MTUS1: variants seen among roughly 807,000 people sequenced by gnomAD.
The protein encoded by MTUS1 is microtubule associated scaffold protein 1, also known as microtubule-associated tumor suppressor 1.
Under a neutral mutation model 120.8 loss-of-function variants are expected in MTUS1, and 109 were observed. The observed-to-expected ratio is 0.90, with a 90% confidence interval of 0.77 to 1.06. The LOEUF is 1.06. Among genes scored for constraint, MTUS1 ranks in the 50% least tolerant of loss-of-function variants. The pLI is 0.00. For missense variants in MTUS1, 2,210 were observed against 1,486.3 expected, an observed-to-expected ratio of 1.49 and a Z score of -8.01; for synonymous variants, 737 against 550.5, an observed-to-expected ratio of 1.34 and a Z score of -4.74.
Position 17,754,379 on chromosome 8 carries a change from G to C in MTUS1, c.1429C>G (p.Pro477Ala). 1.9e-6 allele frequency: 3 copies of C among 1,614,092 alleles called. No individual in the cohort carries two copies. The highest frequency in any genetic ancestry group is 2.5e-6 in the Non-Finnish European group (3 of 1,180,024). Residue 477 changes from proline (P) to alanine (A), a missense_variant, in exon 2 of 15, where the codon CCC becomes GCC. Pro to Ala is a conservative substitution (Grantham distance 27). Coordinates refer to ENST00000693296, the MANE Select transcript of MTUS1 (RefSeq NM_001363059.2). Reference sequence around the variant, plus strand: ...TTGATTGTTGATTTTCCTAAACTGGGTTTACACAGGTTCACAGGTGCCTCC... The same window carrying C: ...TTGATTGTTGATTTTCCTAAACTGGCTTTACACAGGTTCACAGGTGCCTCC... ...SKEAPVNLCK[P>A]SLGKSTIKTN... is the part of the protein sequence containing the mutation.
At chr8:17,763,501 A>C (rs17125298) in intron 1 of MTUS1, among the ~76,000 whole-genome samples, 2,237 of 152,254 alleles carry the variant, frequency 0.015, 63 homozygotes, top group African/African-American at 0.051. Context: ...CACTCCATCC[A>C]GGAGAAGTGA....
chr8:17,775,646 G>C (rs777186265), intron 1 of MTUS1, among the ~76,000 whole-genome samples: 2 of 152,204 alleles, frequency 1.3e-5, no homozygotes, highest in East Asian at 1.9e-4. Flanking sequence ...TTATATCATA[G>C]AAGAGTAAAA....
intron 3 of MTUS1, among the ~76,000 whole-genome samples, chr8:17,731,139 G>C (rs1483058748): frequency 1.3e-5 from 2 of 152,172 alleles, no homozygotes; most frequent in Non-Finnish European, 2.9e-5. Flanking sequence ...GATAGGATAG[G>C]ATAAGGGAGG....
chr8:17,743,330 T>G (rs1245043892), intron 3 of MTUS1, among the ~76,000 whole-genome samples: 1 of 152,184 alleles, frequency 6.6e-6, no homozygotes, highest in Non-Finnish European at 1.5e-5. Flanking sequence ...TGATTCAAAT[T>G]TACATCAGCC....
chr8:17,679,201 C>T (rs1427816577), intron 7 of MTUS1, among the ~76,000 whole-genome samples: 1 of 57,918 alleles, frequency 1.7e-5, no homozygotes, highest in African/African-American at 4.3e-5. Flanking sequence ...AATATATATA[C>T]ACACACACAC....
At chr8:17,725,785 C>G (rs1255447199) in intron 3 of MTUS1, among the ~76,000 whole-genome samples, 1 of 152,112 alleles carries the variant, frequency 6.6e-6, no homozygotes, top group African/African-American at 2.4e-5. Flanking sequence ...TTTGCAATTT[C>G]TTTTATTAGC....
intron 2 of MTUS1, among the ~76,000 whole-genome samples, chr8:17,744,954 G>A (rs903548791): frequency 2.6e-5 from 4 of 152,082 alleles, no homozygotes; most frequent in African/African-American, 9.7e-5. Flanking sequence ...CAAATGTATT[G>A]ACTGATGTCC....
Position 17,723,805 on chromosome 8 carries a change from C to G in MTUS1, c.2316G>C (p.Gln772His), listed in dbSNP as rs377255695. Reference protein sequence around the residue: ...SGKPTSLKTAQSSWVNLPRPL... With the variant: ...SGKPTSLKTAHSSWVNLPRPL... ...GTCTAGGCAAATTCACCCATGACGACTGTGCAGTTTTCAAGGATGTAGGCT... is the reference window on the plus strand; with the variant it reads ...GTCTAGGCAAATTCACCCATGACGAGTGTGCAGTTTTCAAGGATGTAGGCT... Residue 772 changes from glutamine to histidine, a missense_variant, in exon 4 of 15, where the codon CAG becomes CAC. Coordinates refer to ENST00000693296, the MANE Select transcript of MTUS1 (RefSeq NM_001363059.2). 3 of 1,600,728 alleles carry G rather than the reference C, an allele frequency of 1.9e-6. No individual in the cohort carries two copies. Among genetic ancestry groups the G allele is most frequent in the Non-Finnish European group, 2.6e-6 (3 of 1,172,976 alleles).
intron 6 of MTUS1, chr8:17,692,149 G>C (rs1817066408): frequency 6.6e-6 from 1 of 152,082 alleles, no homozygotes; most frequent in Non-Finnish European, 1.5e-5. Context: ...TACCTGTTCT[G>C]CCTTCTCTGT....
intron 1 of MTUS1, among the ~76,000 whole-genome samples, chr8:17,760,251 T>C (rs888648177): frequency 5.3e-5 from 8 of 151,950 alleles, no homozygotes; most frequent in African/African-American, 1.9e-4. Flanking sequence ...AAATTTCAAA[T>C]TGGTGAGCAA....
At chr8:17,753,651 G>C (rs2048360177) in intron 2 of MTUS1, 66 bp downstream of exon 2, 1 of 1,074,708 alleles carries the variant, frequency 9.3e-7, no homozygotes, top group African/African-American at 1.6e-5. Flanking sequence ...ATAACTAAAT[G>C]CTAACACATC....
intron 8 of MTUS1, among the ~76,000 whole-genome samples, chr8:17,660,977 TA>T (rs1461835287): frequency 6.6e-6 from 1 of 152,216 alleles, no homozygotes; most frequent in African/African-American, 2.4e-5. Context: ...GACTGAATAT[TA>T]AAAGTTTCTT....
chr8:17,668,484 G>A (rs759533673), intron 8 of MTUS1, among the ~76,000 whole-genome samples: 2 of 152,190 alleles, frequency 1.3e-5, no homozygotes, highest in Non-Finnish European at 2.9e-5. Context: ...TGCTGCAGAT[G>A]TAGACCATTT....
chr8:17,756,652 A>T (rs944765409), intron 1 of MTUS1, among the ~76,000 whole-genome samples: 1 of 135,874 alleles, frequency 7.4e-6, no homozygotes, highest in African/African-American at 2.8e-5. Flanking sequence ...CCCCTCTCCA[A>T]TTCATATGTC....
chr8:17,711,556 C>G (rs1475642665), intron 6 of MTUS1, among the ~76,000 whole-genome samples: 1 of 152,186 alleles, frequency 6.6e-6, no homozygotes, highest in Non-Finnish European at 1.5e-5. Flanking sequence ...AAAGTTGCAG[C>G]TGGCTTAATC....
intron 1 of MTUS1, among the ~76,000 whole-genome samples, chr8:17,785,096 C>A (rs1197110340): frequency 6.6e-6 from 1 of 151,138 alleles, no homozygotes; most frequent in Non-Finnish European, 1.5e-5. Flanking sequence ...ATAACAAGAA[C>A]TTTTATTCAT....
chr8:17,748,896 T>C (rs2047975485), intron 2 of MTUS1, among the ~76,000 whole-genome samples: 1 of 152,206 alleles, frequency 6.6e-6, no homozygotes, highest in Non-Finnish European at 1.5e-5. Flanking sequence ...AATAAATGTT[T>C]CTATTCTACA....
At position 17,723,877 on chromosome 8, in the gene MTUS1, C is replaced by T. The variant is rs374917039; in HGVS notation, c.2288-44G>A. On this transcript the variant is annotated intron_variant, in intron 3 of 14. Coordinates refer to ENST00000693296, the MANE Select transcript of MTUS1 (RefSeq NM_001363059.2). ...CAAAAAGTTTCCAGTGCTATTCATC[C>T]CGAAAGCTGGCACTTTTTAAGCCTG... The T allele has an allele frequency of 7.4e-6, 11 of 1,482,204 alleles. 1 individual carries two copies. Among genetic ancestry groups the T allele is most frequent in the Middle Eastern group, 3.6e-4 (2 of 5,570 alleles). 91.8% of individuals were successfully genotyped at this position (1,482,204 alleles called of 1,614,324 possible).
chr8:17,736,175 A>G (rs1473606764), intron 3 of MTUS1, among the ~76,000 whole-genome samples: 1 of 152,228 alleles, frequency 6.6e-6, no homozygotes, highest in Non-Finnish European at 1.5e-5. Context: ...CCACAAAGCA[A>G]TCTTCTCCAT....
Sources: allele counts gnomAD v4.1 joint callset (sites outside exome capture counted in the v4.1 genomes callset), GRCh38; gene constraint gnomAD v4.1.1; transcripts MANE v1.5; gene names NCBI Gene and HGNC (gene_info 2026-07-23, HGNC 2026-07-21).